The following NIM1K variants were observed in gnomAD, a reference collection of about 807,000 sequenced individuals.
NIM1K encodes NIM1 serine/threonine protein kinase.
In NIM1K, 35 loss-of-function variants were observed where a neutral mutation model predicts 37.1. That is an observed-to-expected ratio of 0.94 (90% confidence interval 0.72 to 1.25). The LOEUF (loss-of-function observed/expected upper bound fraction) is 1.25, where lower values mean the gene tolerates loss of function less well. Ranked by LOEUF, NIM1K falls within the 50% of genes most tolerant of loss-of-function variation. The pLI is 0.00. For synonymous variants in NIM1K, 234 were observed against 206.6 expected, an observed-to-expected ratio of 1.13 and a Z score of -1.14; for missense variants, 564 against 548.0, an observed-to-expected ratio of 1.03 and a Z score of -0.29.
At chr5:43,222,659 A>G (rs2112232161) in intron 1 of NIM1K, among the ~76,000 whole-genome samples, 1 of 152,048 alleles carries the variant, frequency 6.6e-6, no homozygotes, top group African/African-American at 2.4e-5. Flanking sequence ...ACTTTAGCCC[A>G]GGAGTTCGAG....
At chr5:43,240,559 T>G (rs1752685363) in intron 1 of NIM1K, among the ~76,000 whole-genome samples, 1 of 151,464 alleles carries the variant, frequency 6.6e-6, no homozygotes, top group Admixed American at 6.6e-5. Flanking sequence ...TTTTTTTTTT[T>G]TTGAGATGCA....
intron 2 of NIM1K, among the ~76,000 whole-genome samples, chr5:43,252,817 T>C (rs1338949501): frequency 6.6e-6 from 1 of 152,106 alleles, no homozygotes; most frequent in Non-Finnish European, 1.5e-5. Context: ...CCATCTGTTG[T>C]CACAAACAAA....
intron 2 of NIM1K, among the ~76,000 whole-genome samples, chr5:43,258,764 C>T (rs1337778522): frequency 1.3e-5 from 2 of 151,998 alleles, no homozygotes; most frequent in East Asian, 3.9e-4. Context: ...TTATTGGGGA[C>T]ATTTTTACTT....
chr5:43,222,246 G>T (rs1005260004), intron 1 of NIM1K, among the ~76,000 whole-genome samples: 1 of 152,158 alleles, frequency 6.6e-6, no homozygotes, highest in African/African-American at 2.4e-5. Flanking sequence ...TGAGAAATAC[G>T]ATCTTATGGT....
At chr5:43,208,560 C>T (rs1188960108) in intron 1 of NIM1K, among the ~76,000 whole-genome samples, 1 of 151,750 alleles carries the variant, frequency 6.6e-6, no homozygotes, top group African/African-American at 2.4e-5. Context: ...CGAGATCACG[C>T]CACTGCATTC....
At chr5:43,199,880 G>C (rs1457326653) in intron 1 of NIM1K, among the ~76,000 whole-genome samples, 1 of 152,138 alleles carries the variant, frequency 6.6e-6, no homozygotes, top group East Asian at 1.9e-4. Context: ...TAGTGTGATT[G>C]TTATTATTAT....
intron 2 of NIM1K, among the ~76,000 whole-genome samples, chr5:43,273,671 T>A (rs1753293121): frequency 6.6e-6 from 1 of 152,204 alleles, no homozygotes; most frequent in South Asian, 2.1e-4. Context: ...CCCCTCCTCA[T>A]TCTGCTTTTC....
intron 2 of NIM1K, among the ~76,000 whole-genome samples, chr5:43,265,321 T>C (rs1753126093): frequency 6.6e-6 from 1 of 152,244 alleles, no homozygotes; most frequent in Non-Finnish European, 1.5e-5. Flanking sequence ...TATTTCTTTT[T>C]ACTCTTTTTT....
intron 2 of NIM1K, among the ~76,000 whole-genome samples, chr5:43,275,758 G>GT (rs1190677106): frequency 6.6e-6 from 1 of 152,104 alleles, no homozygotes; most frequent in East Asian, 1.9e-4. Flanking sequence ...TGAACATCAT[G>GT]TTCATCCTAG....
At position 43,254,736 on chromosome 5, in the gene NIM1K, G is replaced by A. The variant is rs150412310; in HGVS notation, c.292+8669G>A. ...ATAAAGATAGCCCAATGGTTTTGTCGTTTTGCTTTTTCTAGAGATGAAGTC... is the reference window on the plus strand; with the variant it reads ...ATAAAGATAGCCCAATGGTTTTGTCATTTTGCTTTTTCTAGAGATGAAGTC... On this transcript the variant is annotated intron_variant, in intron 2 of 3. Coordinates refer to ENST00000326035, the MANE Select transcript of NIM1K (RefSeq NM_153361.4). 2.6e-3 allele frequency among the ~76,000 whole-genome samples: 401 copies of A among 152,210 alleles called. 5 individuals are homozygous for A. The highest frequency in any genetic ancestry group is 9.2e-3 in the African/African-American group (382 of 41,536).
At chr5:43,232,825 T>C in intron 1 of NIM1K, 3 of 1,031,770 alleles carry the variant, frequency 2.9e-6, no homozygotes, top group Non-Finnish European at 4.6e-6. Flanking sequence ...CAAAACGAGG[T>C]CAGTGATCTC....
intron 1 of NIM1K, among the ~76,000 whole-genome samples, chr5:43,200,294 GTTATT>G (rs1426022442): frequency 6.6e-6 from 1 of 151,854 alleles, no homozygotes; most frequent in South Asian, 2.1e-4. Context: ...TTAAGTAGTA[GTTATT>G]TTATTTTATT....
intron 1 of NIM1K, among the ~76,000 whole-genome samples, chr5:43,204,081 G>GTTTTTTTTTTT (rs70994605): frequency 1.2e-5 from 1 of 85,384 alleles, no homozygotes; most frequent in Non-Finnish European, 2.0e-5. Flanking sequence ...AGTTCCAATG[G>GTTTTTTTTTTT]TTTTTTTTTT....
intron 2 of NIM1K, among the ~76,000 whole-genome samples, 174 bp downstream of exon 2, chr5:43,246,241 C>T (rs913327816): frequency 6.6e-6 from 1 of 152,176 alleles, no homozygotes; most frequent in African/African-American, 2.4e-5. Flanking sequence ...TTCACAGTAA[C>T]CATGTGAGGT....
intron 1 of NIM1K, among the ~76,000 whole-genome samples, chr5:43,241,757 CCTGT>C (rs1431975490): frequency 6.6e-6 from 1 of 151,442 alleles, no homozygotes; most frequent in Non-Finnish European, 1.5e-5. Context: ...TTGATTTTTG[CCTGT>C]CTGTTTATGA....
At chr5:43,232,977 C>T (rs1258259642) in intron 1 of NIM1K, 3 of 1,146,004 alleles carry the variant, frequency 2.6e-6, no homozygotes, top group Non-Finnish European at 4.0e-6. Flanking sequence ...GGTCTAGAAA[C>T]ACTGCCCTGG....
intron 1 of NIM1K, among the ~76,000 whole-genome samples, chr5:43,225,988 C>G (rs138874068): frequency 2.6e-5 from 4 of 152,336 alleles, no homozygotes; most frequent in Non-Finnish European, 5.9e-5. Context: ...GTGAGGGAAG[C>G]TTCCTGAAAG....
chr5:43,256,954 G>C (rs921968464), intron 2 of NIM1K, among the ~76,000 whole-genome samples: 1 of 152,162 alleles, frequency 6.6e-6, no homozygotes, highest in Non-Finnish European at 1.5e-5. Flanking sequence ...CTGCCTCAGA[G>C]TCTGGCTCTG....
intron 1 of NIM1K, among the ~76,000 whole-genome samples, chr5:43,210,564 C>T (rs940073986): frequency 6.6e-6 from 1 of 152,028 alleles, no homozygotes; most frequent in Non-Finnish European, 1.5e-5. Context: ...AGAGACTTCA[C>T]AGAGGGACAG....
Sources: allele counts gnomAD v4.1 joint callset (sites outside exome capture counted in the v4.1 genomes callset), GRCh38; gene constraint gnomAD v4.1.1; transcripts MANE v1.5; gene names NCBI Gene and HGNC (gene_info 2026-07-23, HGNC 2026-07-21).